Variants in PTPRN2 observed in about 807,000 individuals in gnomAD.
PTPRN2 encodes receptor-type tyrosine-protein phosphatase N2.
Under a neutral mutation model 118.8 loss-of-function variants are expected in PTPRN2, and 74 were observed. The observed-to-expected ratio is 0.62, with a 90% CI of 0.52 to 0.76. The LOEUF (loss-of-function observed/expected upper bound fraction) is 0.76, where lower values mean the gene tolerates loss of function less well. Ranked by LOEUF, PTPRN2 falls within the 30% of genes least tolerant of loss-of-function variation. The probability of loss-of-function intolerance (pLI) is 0.00; values close to 1 mark genes in which losing one functional copy is unlikely to be tolerated. For missense variants in PTPRN2, 1,481 were observed against 1,394.4 expected (o/e 1.06, Z -0.99); for synonymous variants, 641 against 608.0 (o/e 1.05, Z -0.80).
At chr7:158,282,333 T>C (rs1279796982) in intron 3 of PTPRN2, among the ~76,000 whole-genome samples, 1 of 152,228 alleles carries the variant, frequency 6.6e-6, no homozygotes, top group African/African-American at 2.4e-5. Flanking sequence ...ATTTTATTGT[T>C]AAACTCTATA....
intron 2 of PTPRN2, among the ~76,000 whole-genome samples, chr7:158,440,039 A>G (rs1211367130): frequency 9.9e-5 from 15 of 152,196 alleles, no homozygotes. Flanking sequence ...CTATCCTCAC[A>G]TGAGTCTTAC....
chr7:157,801,078 C>T lies in PTPRN2; in HGVS notation c.1788+97595G>A, dbSNP rs7780485. Among the ~76,000 whole-genome samples the T allele has an allele frequency of 0.26, 37,712 of 147,238 alleles. 5,293 individuals carry two copies. Among genetic ancestry groups the T allele is most frequent in the African/African-American group, 0.38 (15,241 of 39,834 alleles). ...ACACATATATATACACATATATATA[C>T]ACACACACACACATATATATATGCA... is the stretch of plus-strand genomic sequence containing the variant. On this transcript the variant is annotated intron_variant, in intron 12 of 22. Transcript: ENST00000389418. The surrounding 1 kb of genome is among the most constrained non-coding windows in gnomAD (Gnocchi z 4.2).
At chr7:158,131,741 A>G (rs1818326958) in intron 9 of PTPRN2, among the ~76,000 whole-genome samples, 1 of 151,162 alleles carries the variant, frequency 6.6e-6, no homozygotes, top group African/African-American at 2.4e-5. Flanking sequence ...CAACACACTC[A>G]TACACACACA....
intron 3 of PTPRN2, among the ~76,000 whole-genome samples, chr7:158,222,714 A>C (rs1828463138): frequency 6.6e-6 from 1 of 152,234 alleles, no homozygotes; most frequent in South Asian, 2.1e-4. Flanking sequence ...CGAAAACAAA[A>C]GTCAAAAGAA....
At chr7:157,695,478 A>G (rs1797720284) in intron 12 of PTPRN2, among the ~76,000 whole-genome samples, 1 of 152,134 alleles carries the variant, frequency 6.6e-6, no homozygotes, top group African/African-American at 2.4e-5. Context: ...TAAAAATAAA[A>G]ATAGATCCTT....
At chr7:158,067,706 CGAGTGACAGAGTGAGT>C (rs958342330) in intron 11 of PTPRN2, among the ~76,000 whole-genome samples, 1 of 152,052 alleles carries the variant, frequency 6.6e-6, no homozygotes, top group Non-Finnish European at 1.5e-5. Context: ...AAGGAGTGAG[CGAGTGACAGAGTGAGT>C]GAGTGAGCAC....
chr7:158,041,565 G>A (rs1420772278), intron 11 of PTPRN2, among the ~76,000 whole-genome samples: 1 of 152,152 alleles, frequency 6.6e-6, no homozygotes, highest in Non-Finnish European at 1.5e-5. Flanking sequence ...TTGAACCTGG[G>A]AGGCAGAGGT....
chr7:158,436,967 A>G (rs2129431758), intron 2 of PTPRN2, among the ~76,000 whole-genome samples: 1 of 152,280 alleles, frequency 6.6e-6, no homozygotes, highest in South Asian at 2.1e-4. Context: ...TATATAATAG[A>G]TTTTTTAAAA....
intron 12 of PTPRN2, among the ~76,000 whole-genome samples, chr7:157,776,168 T>C (rs1461050775): frequency 7.5e-6 from 1 of 133,066 alleles, no homozygotes; most frequent in East Asian, 2.7e-4. Flanking sequence ...ACCTCCTCCC[T>C]GTCCTCCTTC....
At chr7:158,310,845 A>G (rs10225632) in intron 3 of PTPRN2, among the ~76,000 whole-genome samples, 10,454 of 16,668 alleles carry the variant, frequency 0.63, 3,064 homozygotes, top group Middle Eastern at 0.76. Flanking sequence ...CAGAGCGCAA[A>G]TCCCACGGAG....
At chr7:158,021,578 C>T (rs1042826948) in intron 11 of PTPRN2, among the ~76,000 whole-genome samples, 1 of 152,062 alleles carries the variant, frequency 6.6e-6, no homozygotes, top group Non-Finnish European at 1.5e-5. Context: ...AGAAGGACAG[C>T]ACTGTGAGGA....
At chr7:158,043,289 T>C (rs985469329) in intron 11 of PTPRN2, among the ~76,000 whole-genome samples, 3 of 152,230 alleles carry the variant, frequency 2.0e-5, no homozygotes, top group African/African-American at 7.2e-5. Context: ...TTTAATCCCA[T>C]GGACAGAAAA....
intron 12 of PTPRN2, among the ~76,000 whole-genome samples, chr7:157,889,102 C>T (rs558347060): frequency 1.3e-5 from 2 of 152,184 alleles, no homozygotes; most frequent in Non-Finnish European, 2.9e-5. Flanking sequence ...AAAAAACTCA[C>T]TTGCAATTCC....
intron 12 of PTPRN2, among the ~76,000 whole-genome samples, chr7:157,846,595 A>G (rs767248042): frequency 4.6e-5 from 7 of 152,222 alleles, no homozygotes; most frequent in Non-Finnish European, 7.3e-5. Flanking sequence ...GTCTGAGAGA[A>G]AATCGTGTCA....
chr7:157,812,747 C>A (rs1354496549), intron 12 of PTPRN2, among the ~76,000 whole-genome samples: 2 of 152,074 alleles, frequency 1.3e-5, no homozygotes, highest in Non-Finnish European at 2.9e-5. Context: ...CAAGGAGGCC[C>A]GTGATTTCAC....
rs577404692 is a variant in PTPRN2, at chr7:157,588,630, G to A, written c.2496+6608C>T. 2.0e-5 allele frequency among the ~76,000 whole-genome samples: 3 copies of A among 152,336 alleles called. No homozygotes were observed. In the South Asian group the frequency reaches 6.2e-4, roughly 32 times the overall value. The stretch of plus-strand genomic sequence containing the variant: ...AAGCGTCACTTTATCTCCTGTCTCT[G>A]AGGACTTTGACTTTCACATATTCTG... On this transcript the variant is annotated intron_variant, in intron 17 of 22. Transcript: ENST00000389418.
At chr7:158,244,710 AGTTGT>A (rs1327773226) in intron 3 of PTPRN2, among the ~76,000 whole-genome samples, 3 of 102,684 alleles carry the variant, frequency 2.9e-5, no homozygotes, top group Non-Finnish European at 3.8e-5. Flanking sequence ...TGTGGTTGTG[AGTTGT>A]GTTAGAGTGA....
chr7:158,585,368 C>T (rs1828853776), intron 1 of PTPRN2, among the ~76,000 whole-genome samples: 1 of 152,186 alleles, frequency 6.6e-6, no homozygotes, highest in Admixed American at 6.5e-5. Flanking sequence ...GGGGCAGTTT[C>T]CAATTACCTG....
rs575991113 is a variant in PTPRN2, at chr7:157,767,037, A to G, written c.1789-84100T>C. On this transcript the variant is annotated intron_variant, in intron 12 of 22. Coordinates refer to ENST00000389418, the MANE Select transcript of PTPRN2 (RefSeq NM_002847.5). ...CTGGCACCACCTAGCACCATACAAT[A>G]GTCACTCCAGGGGCTGCCATTGCCA... 3.2e-3 allele frequency among the ~76,000 whole-genome samples: 486 copies of G among 152,146 alleles called. 4 individuals are homozygous for G. Among genetic ancestry groups the G allele is most frequent in the African/African-American group, 0.011 (455 of 41,496 alleles).
Sources: gnomAD v4.1 joint callset for allele counts (sites outside exome capture counted in the v4.1 genomes callset) on GRCh38, gnomAD v4.1.1 for gene constraint, Gnocchi (gnomAD v3.1) non-coding constraint, MANE v1.5 for transcripts, NCBI Gene and HGNC (gene_info 2026-07-23, HGNC 2026-07-21) for gene names.